LCT: variants seen among roughly 807,000 people sequenced by gnomAD.
LCT encodes lactase.
In LCT, 90 loss-of-function variants were observed where a neutral mutation model predicts 173.0. The ratio of observed to expected loss-of-function variants is 0.52; its 90% CI spans 0.44 to 0.62. The LOEUF is 0.62. Among genes scored for constraint, LCT ranks in the 20% least tolerant of loss-of-function variants. The pLI, the probability that LCT is intolerant of heterozygous loss-of-function variation, is 0.00. For synonymous variants in LCT, 853 were observed against 957.6 expected, an observed-to-expected ratio of 0.89 and a Z score of 2.02; for missense variants, 1,864 against 2,431.4, an observed-to-expected ratio of 0.77 and a Z score of 4.91.
chr2:135,818,580 C>T (rs958424240), intron 5 of LCT, among the ~76,000 whole-genome samples: 5 of 152,234 alleles, frequency 3.3e-5, no homozygotes, highest in Admixed American at 6.5e-5. Context: ...TGGCTCATGC[C>T]TGTAATCCCA....
At chr2:135,824,962 A>C (rs1471271979) in intron 3 of LCT, among the ~76,000 whole-genome samples, 1 of 150,220 alleles carries the variant, frequency 6.7e-6, no homozygotes, top group Non-Finnish European at 1.5e-5. Flanking sequence ...GCTGCACTTC[A>C]GTCTGGGCAA....
chr2:135,826,480 C>T (rs934683824), intron 3 of LCT, among the ~76,000 whole-genome samples: 4 of 151,608 alleles, frequency 2.6e-5, no homozygotes, highest in African/African-American at 7.3e-5. Flanking sequence ...GCAGGAGAAT[C>T]GCTTGAACCC....
Position 135,822,116 on chromosome 2 carries a change from GAATT to G in LCT, c.908-22_908-19del, listed in dbSNP as rs766075001. 4 of 1,435,894 alleles carry G rather than the reference GAATT, an allele frequency of 2.8e-6. No homozygotes were observed. The highest frequency in any genetic ancestry group is 3.9e-6 in the Non-Finnish European group (4 of 1,017,468). 88.9% of individuals were successfully genotyped at this position (1,435,894 alleles called of 1,614,324 possible). The stretch of plus-strand genomic sequence containing the variant: ...ATTTATGGCTGTAAGAGAAGAAATT[GAATT>G]AACTCTATGTAAATGCCAACTAAGA... On this transcript the variant is annotated intron_variant, in intron 4 of 16. Coordinates refer to ENST00000264162, the MANE Select transcript of LCT (RefSeq NM_002299.4).
intron 6 of LCT, among the ~76,000 whole-genome samples, chr2:135,814,959 G>A (rs956901185): frequency 6.6e-6 from 1 of 152,150 alleles, no homozygotes; most frequent in South Asian, 2.1e-4. Context: ...TAGATTTAGA[G>A]GAGGTCGTGA....
In LCT at chr2:135,790,991, G is replaced by T; in HGVS notation, c.5112-110C>A. On this transcript the variant is annotated intron_variant, in intron 14 of 16. Coordinates refer to ENST00000264162, the MANE Select transcript of LCT (RefSeq NM_002299.4). This position sits in a 1 kb window ranked among gnomAD's most constrained non-coding sequence, Gnocchi z 4.1. ...CAGGAAAAGCCTTAGGTTTTGTCTA[G>T]CCTTAAGAATCATACTAAACCCAGA... is the stretch of plus-strand genomic sequence containing the variant. The T allele has an allele frequency of 2.4e-6, 2 of 830,116 alleles. No individual in the cohort carries two copies. Among genetic ancestry groups the T allele is most frequent in the South Asian group, 1.4e-5 (1 of 69,862 alleles). The allele number at this position is 830,116 out of a possible 1,614,324, so 51.4% of individuals were successfully genotyped here.
At chr2:135,832,481 A>AT (rs2077948505) in intron 2 of LCT, among the ~76,000 whole-genome samples, 1 of 151,624 alleles carries the variant, frequency 6.6e-6, no homozygotes, top group Non-Finnish European at 1.5e-5. Flanking sequence ...GGATATACGT[A>AT]CATTTTTAAT....
At chr2:135,813,589 G>A (rs1350010653) in intron 6 of LCT, among the ~76,000 whole-genome samples, 1 of 152,184 alleles carries the variant, frequency 6.6e-6, no homozygotes, top group Non-Finnish European at 1.5e-5. Context: ...TATAGAGATG[G>A]TGAAAACAAG....
At chr2:135,795,037 G>GCA (rs1317261150) in intron 13 of LCT, among the ~76,000 whole-genome samples, 2 of 150,680 alleles carry the variant, frequency 1.3e-5, no homozygotes, top group Admixed American at 6.6e-5. Context: ...GCACCCACGC[G>GCA]CGCGCGCGCA....
chr2:135,816,871 ATTT>A (rs34890037), intron 6 of LCT, among the ~76,000 whole-genome samples: 2 of 147,032 alleles, frequency 1.4e-5, no homozygotes. Flanking sequence ...GTGATTAACA[ATTT>A]TTTTTTTTTT....
At chr2:135,798,563 T>C (rs927037324) in intron 12 of LCT, among the ~76,000 whole-genome samples, 1 of 152,178 alleles carries the variant, frequency 6.6e-6, no homozygotes, top group African/African-American at 2.4e-5. Flanking sequence ...CAAACAGAAC[T>C]TTCTGGGGAG....
At chr2:135,822,125 C>A in intron 4 of LCT, 27 bp from the exon 5 acceptor site, 1 of 1,322,556 alleles carries the variant, frequency 7.6e-7, no homozygotes, top group South Asian at 1.2e-5. Flanking sequence ...TGAATTAACT[C>A]TATGTAAATG....
At position 135,793,159 on chromosome 2, in the gene LCT, C is replaced by T. The variant is rs376253091; in HGVS notation, c.5111+1482G>A. On this transcript the variant is annotated intron_variant, in intron 14 of 16. Coordinates refer to ENST00000264162, the MANE Select transcript of LCT (RefSeq NM_002299.4). Reference sequence around the variant, plus strand: ...ACAACTTCACTGCTCGCATAACCAGCGTTTGAGAAAACCAGTGCACGAAAG... The same window carrying T: ...ACAACTTCACTGCTCGCATAACCAGTGTTTGAGAAAACCAGTGCACGAAAG... 1.2e-4 allele frequency among the ~76,000 whole-genome samples: 19 copies of T among 152,338 alleles called. No homozygotes were observed. The East Asian group carries it at 2.9e-3, about 23-fold the overall frequency.
chr2:135,809,351 T>C lies in LCT; in HGVS notation c.2996A>G (p.Tyr999Cys). 1 of 1,614,218 alleles carries C rather than the reference T, an allele frequency of 6.2e-7. No individual in the cohort carries two copies. Among genetic ancestry groups the C allele is most frequent in the South Asian group, 1.1e-5 (1 of 91,088 alleles). ...CAAGCCATTGATCAGCCTGTTGTAATAATCAACCCCATGACTGTTGATAGA... is the reference window on the plus strand; with the variant it reads ...CAAGCCATTGATCAGCCTGTTGTAACAATCAACCCCATGACTGTTGATAGA... ...NSSINSHGVD[Y>C]YNRLINGLVA... The change falls in exon 8 of 17, where the codon TAT (tyrosine) becomes TGT (cysteine). Residue 999 changes from tyrosine to cysteine, a missense_variant. By Grantham distance (194) the Tyr-to-Cys change is radical (BLOSUM62 -2). Around this residue, in one of 4 missense-constraint regions of LCT, gnomAD observed 755 missense variants for 926.3 expected, o/e 0.82. Coordinates refer to ENST00000264162, the MANE Select transcript of LCT (RefSeq NM_002299.4). This position sits in a 1 kb window ranked among gnomAD's most constrained non-coding sequence, Gnocchi z 5.5.
chr2:135,805,674 G>T (rs978808407), intron 9 of LCT, among the ~76,000 whole-genome samples: 4 of 152,132 alleles, frequency 2.6e-5, no homozygotes, highest in African/African-American at 9.7e-5. Flanking sequence ...GTCCAACAGG[G>T]ACTGGTCATA....
At chr2:135,812,216 C>T in intron 7 of LCT, 95 bp downstream of exon 7, 2 of 1,046,236 alleles carry the variant, frequency 1.9e-6, no homozygotes, top group South Asian at 1.3e-5. Flanking sequence ...GGCTCCATTT[C>T]TCTAGGAGAC....
Position 135,794,760 on chromosome 2 carries a change from T to C in LCT, c.4992A>G (p.Thr1664=). The C allele has an allele frequency of 6.2e-7, 1 of 1,614,180 alleles. No individual in the cohort carries two copies. The highest frequency in any genetic ancestry group is 1.1e-5 in the South Asian group (1 of 91,086). ...CGTTGATCCTCCTCTTCTCACTCTC[T>C]GTAAATTCTGGCAGCCTGGGTGGAA... is the stretch of plus-strand genomic sequence containing the variant. ...GLNKSRLPEF[T]ESEKRRINGT... Residue 1664 remains threonine, a synonymous_variant, in exon 14 of 17, where the codon ACA becomes ACG. Coordinates refer to ENST00000264162, the MANE Select transcript of LCT (RefSeq NM_002299.4).
In LCT at chr2:135,807,305, A is replaced by C; in HGVS notation, c.3996T>G (p.Phe1332Leu). ...FEWLNGYTVK[F>L]GLYHVDFNNT... ...TGTTGAAATCAACATGGTACAGTCC[A>C]AACTTGACCGTGTAGCCATTTAGCC... Residue 1332 changes from phenylalanine to leucine, a missense_variant, in exon 9 of 17, where the codon TTT becomes TTG. Around this residue, in one of 4 missense-constraint regions of LCT, gnomAD observed 755 missense variants for 926.3 expected, o/e 0.82. Coordinates refer to ENST00000264162, the MANE Select transcript of LCT (RefSeq NM_002299.4). 6.2e-7 allele frequency: 1 copy of C among 1,614,224 alleles called. No individual in the cohort carries two copies. Among genetic ancestry groups the C allele is most frequent in the Non-Finnish European group, 8.5e-7 (1 of 1,180,024 alleles).
At position 135,822,108 on chromosome 2, in the gene LCT, A is replaced by G; in HGVS notation, c.908-10T>C. Reference sequence around the variant, plus strand: ...TGGTCTTTATTTATGGCTGTAAGAGAAGAAATTGAATTAACTCTATGTAAA... The same window carrying G: ...TGGTCTTTATTTATGGCTGTAAGAGGAGAAATTGAATTAACTCTATGTAAA... On this transcript the variant is annotated splice_polypyrimidine_tract_variant and intron_variant, in intron 4 of 16. Transcript: ENST00000264162. The G allele has an allele frequency of 6.6e-7, 1 of 1,513,862 alleles. No homozygotes were observed. The highest frequency in any genetic ancestry group is 9.2e-7 in the Non-Finnish European group (1 of 1,088,494). 93.8% of individuals were successfully genotyped at this position (1,513,862 alleles called of 1,614,324 possible).
Position 135,790,806 on chromosome 2 carries a change from G to A in LCT, c.5187C>T (p.Phe1729=), listed in dbSNP as rs765699436. 5 of 1,613,978 alleles carry A rather than the reference G, an allele frequency of 3.1e-6. No homozygotes were observed. The East Asian group carries it at 1.1e-4, about 36-fold the overall frequency. ...SFWLKMTPFG[F]RRILNWLKEE... The stretch of plus-strand genomic sequence containing the variant: ...CCTTTAACCAGTTCAGGATCCTCCT[G>A]AAGCCAAAAGGCGTCATCTTCAGCC... Residue 1729 remains phenylalanine (F), a synonymous_variant, in exon 15 of 17, where the codon TTC becomes TTT. Transcript: ENST00000264162. The surrounding 1 kb of genome is among the most constrained non-coding windows in gnomAD (Gnocchi z 4.1).
Sources: allele counts gnomAD v4.1 joint callset (sites outside exome capture counted in the v4.1 genomes callset), GRCh38; gene constraint gnomAD v4.1.1; regional missense constraint gnomAD v4.1.1; non-coding constraint Gnocchi (gnomAD v3.1); transcripts MANE v1.5; gene names NCBI Gene and HGNC (gene_info 2026-07-23, HGNC 2026-07-21).